PTPRU: variants seen among roughly 807,000 people sequenced by gnomAD.
The protein encoded by PTPRU is receptor-type tyrosine-protein phosphatase U.
Under a neutral mutation model 166.3 loss-of-function variants are expected in PTPRU, and 69 were observed. The ratio of observed to expected loss-of-function variants is 0.41; its 90% CI spans 0.34 to 0.51. The LOEUF is 0.51. PTPRU is among the 20% of genes least tolerant of loss of function. The pLI is 0.09. For missense variants in PTPRU, 1,657 were observed against 2,013.7 expected (o/e 0.82, Z 3.39); for synonymous variants, 793 against 814.0 (o/e 0.97, Z 0.44).
intron 14 of PTPRU, chr1:29,289,607 T>G (rs1025282667): frequency 1.3e-6 from 2 of 1,584,922 alleles, no homozygotes; most frequent in Non-Finnish European, 1.7e-6. Context: ...CCCTGCTGCC[T>G]GGGCATTGCC....
chr1:29,239,702 C>T (rs1251827139), intron 1 of PTPRU, among the ~76,000 whole-genome samples: 1 of 152,058 alleles, frequency 6.6e-6, no homozygotes, highest in African/African-American at 2.4e-5. Context: ...CTCCCCCTCC[C>T]CCCTTTTCCT....
intron 1 of PTPRU, among the ~76,000 whole-genome samples, chr1:29,243,873 C>T (rs1684164962): frequency 6.6e-6 from 1 of 152,168 alleles, no homozygotes; most frequent in Non-Finnish European, 1.5e-5. Flanking sequence ...CTGGCTATGC[C>T]TCCTCCTCTG....
intron 5 of PTPRU, 123 bp from the exon 6 acceptor site, chr1:29,259,747 C>T: frequency 2.3e-6 from 3 of 1,311,292 alleles, no homozygotes; most frequent in Admixed American, 2.7e-5. Context: ...CAGGTTAGAG[C>T]GCGGCTCCAG....
chr1:29,250,507 T>C (rs1684501869), intron 1 of PTPRU, among the ~76,000 whole-genome samples: 1 of 152,172 alleles, frequency 6.6e-6, no homozygotes, highest in Non-Finnish European at 1.5e-5. Context: ...ATAATAATAG[T>C]ACCTAATAAA....
chr1:29,265,746 GATT>G (rs1452509333), intron 7 of PTPRU, among the ~76,000 whole-genome samples: 1 of 151,968 alleles, frequency 6.6e-6, no homozygotes, highest in Non-Finnish European at 1.5e-5. Context: ...TTTCTAATTG[GATT>G]ATTCTTTTTG....
At chr1:29,293,174 C>T (rs965475071) in intron 15 of PTPRU, among the ~76,000 whole-genome samples, 1 of 152,132 alleles carries the variant, frequency 6.6e-6, no homozygotes, top group Non-Finnish European at 1.5e-5. Context: ...GATGGGGTTT[C>T]ACCATGTTGG....
intron 7 of PTPRU, among the ~76,000 whole-genome samples, chr1:29,268,066 T>C (rs1685382775): frequency 6.6e-6 from 1 of 152,208 alleles, no homozygotes; most frequent in Admixed American, 6.5e-5. Context: ...GAGCTGTCAT[T>C]TCCTGGAGCG....
chr1:29,252,947 G>T (rs1287034484), intron 1 of PTPRU, among the ~76,000 whole-genome samples: 2 of 152,186 alleles, frequency 1.3e-5, no homozygotes, highest in Admixed American at 6.5e-5. Context: ...CAGTCCCCAT[G>T]ACTGCCTCCT....
chr1:29,302,024 G>A (rs991642799), intron 15 of PTPRU, among the ~76,000 whole-genome samples: 10 of 152,162 alleles, frequency 6.6e-5, no homozygotes, highest in East Asian at 3.9e-4. Flanking sequence ...AGAAGGCAAC[G>A]TTTTCATAGG....
chr1:29,243,012 C>T (rs1424660101), intron 1 of PTPRU, among the ~76,000 whole-genome samples: 2 of 152,124 alleles, frequency 1.3e-5, no homozygotes, highest in Non-Finnish European at 2.9e-5. Flanking sequence ...ATTCTTCAGC[C>T]TCAGCCTCCC....
At chr1:29,304,355 T>G (rs190796039) in intron 16 of PTPRU, among the ~76,000 whole-genome samples, 2 of 152,318 alleles carry the variant, frequency 1.3e-5, no homozygotes, top group Non-Finnish European at 2.9e-5. Flanking sequence ...GACCTTGACC[T>G]AATCCCAGCC....
intron 7 of PTPRU, among the ~76,000 whole-genome samples, chr1:29,263,623 G>T (rs1685165150): frequency 6.6e-6 from 1 of 152,082 alleles, no homozygotes. Flanking sequence ...GTCTATGAGG[G>T]TTCTAGTTTC....
intron 15 of PTPRU, among the ~76,000 whole-genome samples, chr1:29,297,052 G>GT (rs35789721): frequency 0.22 from 24,654 of 111,184 alleles, 4,169 homozygotes; most frequent in East Asian, 0.55. Flanking sequence ...CTTAGTAGCT[G>GT]TTTTTTTTTT....
At position 29,323,070 on chromosome 1, in the gene PTPRU, T is replaced by G. The variant is rs1688235117; in HGVS notation, c.3829-301T>G. On this transcript the variant is annotated intron_variant, in intron 26 of 29. Transcript: ENST00000373779. ...GCAGGCAGCCTCATGTAGGAGCGTG[T>G]GAACCGGTTAAGGTGTAGCTTTCTA... The G allele has an allele frequency of 9.5e-6, 3 of 316,382 alleles. No individual in the cohort carries two copies. In the South Asian group the frequency reaches 1.1e-4, roughly 12 times the overall value. 19.6% of individuals were successfully genotyped at this position (316,382 alleles called of 1,614,324 possible).
rs1237713166 is a variant in PTPRU, at chr1:29,271,671, C to G, written c.1145-3777C>G. Among the ~76,000 whole-genome samples the G allele has an allele frequency of 6.6e-6, 1 of 152,194 alleles. No homozygotes were observed. The highest frequency in any genetic ancestry group is 2.4e-5 in the African/African-American group (1 of 41,434). ...ATGGGAGGATCTGGCAACTCTGAAC[C>G]TGTAGTCCTGCCTGGCAACAGTCAT... On this transcript the variant is annotated intron_variant, in intron 7 of 29. Transcript: ENST00000373779. The surrounding 1 kb of genome is among the most constrained non-coding windows in gnomAD (Gnocchi z 4.4).
At chr1:29,285,596 G>A (rs1273804904) in intron 14 of PTPRU, among the ~76,000 whole-genome samples, 1 of 152,230 alleles carries the variant, frequency 6.6e-6, no homozygotes, top group Non-Finnish European at 1.5e-5. Context: ...AGGAATCTTA[G>A]GCTTTAGAAT....
In PTPRU at chr1:29,320,755, G is replaced by A. The variant is rs760809964; in HGVS notation, c.3758G>A (p.Arg1253Gln). ...CAGAGCACCACGCCCGACTTCTGGCGGCTGGTCTACGATTACGGGTGCACC... is the reference window on the plus strand; with the variant it reads ...CAGAGCACCACGCCCGACTTCTGGCAGCTGGTCTACGATTACGGGTGCACC... Reference protein sequence around the residue: ...PLQSTTPDFWRLVYDYGCTSI... With the variant: ...PLQSTTPDFWQLVYDYGCTSI... Residue 1253 changes from arginine to glutamine, a missense_variant, in exon 26 of 30, where the codon CGG becomes CAG. Physicochemically the swap from Arg to Gln is conservative, Grantham distance 43. Coordinates refer to ENST00000373779, the MANE Select transcript of PTPRU (RefSeq NM_133178.4). The surrounding 1 kb of genome is among the most constrained non-coding windows in gnomAD (Gnocchi z 5.2). 2.9e-5 allele frequency: 46 copies of A among 1,608,906 alleles called. No individual in the cohort carries two copies. The highest frequency in any genetic ancestry group is 1.7e-4 in the Middle Eastern group (1 of 6,060).
Position 29,289,800 on chromosome 1 carries a change from G to A in PTPRU, c.2319-2069G>A, listed in dbSNP as rs1686538427. 6 of 1,480,850 alleles carry A rather than the reference G, an allele frequency of 4.1e-6. No individual in the cohort carries two copies. In the African/African-American group the frequency reaches 4.2e-5, roughly 10 times the overall value. The allele number at this position is 1,480,850 out of a possible 1,614,324, so 91.7% of individuals were successfully genotyped here. A position where few individuals can be genotyped will look rare whatever the true frequency, so the allele number is the denominator to read the frequency against. On this transcript the variant is annotated intron_variant, in intron 14 of 29. Transcript: ENST00000373779. ...GCCTTCTCTGGTTGGGCTTAGTCTC[G>A]CTGCACCCAGCCTGGCCTGGTGTCC...
intron 18 of PTPRU, among the ~76,000 whole-genome samples, chr1:29,305,947 A>T (rs972682688): frequency 2.0e-5 from 3 of 152,120 alleles, no homozygotes; most frequent in African/African-American, 4.8e-5. Context: ...TACACCCAAG[A>T]TCTCCTTTTC....
Sources: allele counts gnomAD v4.1 joint callset (sites outside exome capture counted in the v4.1 genomes callset), GRCh38; gene constraint gnomAD v4.1.1; non-coding constraint Gnocchi (gnomAD v3.1); transcripts MANE v1.5; gene names NCBI Gene and HGNC (gene_info 2026-07-23, HGNC 2026-07-21).